SLC15A5: variants seen among roughly 807,000 people sequenced by gnomAD.
SLC15A5 encodes solute carrier family 15 member 5.
In SLC15A5, 58 loss-of-function variants were observed where a neutral mutation model predicts 56.1. That is an observed-to-expected ratio of 1.03 (90% confidence interval 0.84 to 1.29). The LOEUF is 1.29. Among genes scored for constraint, SLC15A5 ranks in the 50% most tolerant of loss-of-function variants. The pLI, the probability that SLC15A5 is intolerant of heterozygous loss-of-function variation, is 0.00. For missense variants in SLC15A5, 681 were observed against 672.1 expected, an observed-to-expected ratio of 1.01 and a Z score of -0.15; for synonymous variants, 264 against 250.5, an observed-to-expected ratio of 1.05 and a Z score of -0.51.
chr12:16,257,334 A>G (rs1385129722), intron 3 of SLC15A5, among the ~76,000 whole-genome samples: 1 of 152,158 alleles, frequency 6.6e-6, no homozygotes, highest in Non-Finnish European at 1.5e-5. Flanking sequence ...TGAGTTGATA[A>G]TTGCTGAAGC....
At chr12:16,249,549 A>C (rs1018309739) in intron 3 of SLC15A5, among the ~76,000 whole-genome samples, 3 of 152,056 alleles carry the variant, frequency 2.0e-5, no homozygotes, top group Admixed American at 6.6e-5. Context: ...GTAGCTAATA[A>C]AGTTTTTTCT....
chr12:16,272,931 T>C (rs1864775754), intron 1 of SLC15A5, 148 bp from the exon 2 acceptor site: 1 of 725,642 alleles, frequency 1.4e-6, no homozygotes, highest in Non-Finnish European at 2.2e-6. Flanking sequence ...ATTTCAGGGA[T>C]AGCCTGATGT....
intron 7 of SLC15A5, among the ~76,000 whole-genome samples, chr12:16,198,162 A>C (rs780759904): frequency 6.6e-6 from 1 of 152,164 alleles, no homozygotes; most frequent in Admixed American, 6.6e-5. Context: ...GTAGTAAAGG[A>C]CTCAAAATAT....
chr12:16,206,948 C>A (rs1214818714), intron 7 of SLC15A5, among the ~76,000 whole-genome samples: 1 of 152,096 alleles, frequency 6.6e-6, no homozygotes. Context: ...AGTAAAAACC[C>A]ATCAAGATAG....
chr12:16,232,400 A>G (rs1405485080), intron 5 of SLC15A5, among the ~76,000 whole-genome samples: 4 of 152,200 alleles, frequency 2.6e-5, no homozygotes, highest in Non-Finnish European at 5.9e-5. Flanking sequence ...CATCTGATCA[A>G]TAGGAGTTCA....
At chr12:16,228,513 A>G (rs540117671) in intron 5 of SLC15A5, among the ~76,000 whole-genome samples, 17 of 152,290 alleles carry the variant, frequency 1.1e-4, no homozygotes, top group African/African-American at 4.1e-4. Context: ...CTCCAAATAC[A>G]TCATTAAGTC....
intron 8 of SLC15A5, among the ~76,000 whole-genome samples, chr12:16,193,771 A>ATG (rs1311242767): frequency 3.5e-4 from 49 of 139,946 alleles, no homozygotes; most frequent in African/African-American, 1.2e-3. Flanking sequence ...GTCCAAGAAT[A>ATG]TGTCAAGGGG....
At chr12:16,242,554 C>G (rs535803135) in intron 4 of SLC15A5, among the ~76,000 whole-genome samples, 1 of 152,150 alleles carries the variant, frequency 6.6e-6, no homozygotes, top group Non-Finnish European at 1.5e-5. Flanking sequence ...GATTAAATTA[C>G]GTACTGTGAA....
At chr12:16,258,969 T>C (rs1182627927) in intron 2 of SLC15A5, among the ~76,000 whole-genome samples, 2 of 151,092 alleles carry the variant, frequency 1.3e-5, no homozygotes, top group Non-Finnish European at 2.9e-5. Context: ...TCCTGGGGCA[T>C]GTCTGCCACA....
Position 16,205,598 on chromosome 12 carries a change from C to CAT in SLC15A5, c.1484-11146_1484-11145insAT, listed in dbSNP as rs1398992733. 5.4e-3 allele frequency among the ~76,000 whole-genome samples: 310 copies of CAT among 57,680 alleles called. 12 individuals carry two copies. Among genetic ancestry groups the CAT allele is most frequent in the African/African-American group, 0.018 (277 of 15,178 alleles). 37.8% of individuals were successfully genotyped at this position (57,680 alleles called of 152,430 possible). A position where few individuals can be genotyped will look rare whatever the true frequency, so the allele number is the denominator to read the frequency against. The stretch of plus-strand genomic sequence containing the variant: ...AAAGGTGCATATATATATACATATA[C>CAT]ACACACACACACATATATATACACA... On this transcript the variant is annotated intron_variant, in intron 7 of 8. Coordinates refer to ENST00000344941, the MANE Select transcript of SLC15A5 (RefSeq NM_001170798.1).
chr12:16,264,449 T>C (rs1864673157), intron 2 of SLC15A5, among the ~76,000 whole-genome samples: 1 of 152,236 alleles, frequency 6.6e-6, no homozygotes, highest in African/African-American at 2.4e-5. Context: ...GGGACTTGCT[T>C]TGTCTCAGAT....
At chr12:16,211,987 G>C (rs1864085780) in intron 7 of SLC15A5, among the ~76,000 whole-genome samples, 1 of 152,090 alleles carries the variant, frequency 6.6e-6, no homozygotes, top group African/African-American at 2.4e-5. Flanking sequence ...TTTTCCAATC[G>C]GGTATACTAA....
intron 3 of SLC15A5, among the ~76,000 whole-genome samples, chr12:16,252,356 A>G (rs978602716): frequency 1.3e-5 from 2 of 152,050 alleles, no homozygotes; most frequent in South Asian, 4.1e-4. Context: ...ATCAGAATAG[A>G]AGAAGGAAAA....
chr12:16,254,758 C>G (rs967263322), intron 3 of SLC15A5, among the ~76,000 whole-genome samples: 2 of 152,052 alleles, frequency 1.3e-5, no homozygotes, highest in Non-Finnish European at 2.9e-5. Context: ...GAAAGTTAAA[C>G]ATTGCATGTT....
At chr12:16,234,514 T>A (rs1339896310) in intron 5 of SLC15A5, among the ~76,000 whole-genome samples, 3 of 152,178 alleles carry the variant, frequency 2.0e-5, no homozygotes, top group Admixed American at 1.3e-4. Context: ...TTAACTTGTA[T>A]GAGATAATAA....
chr12:16,272,113 G>A (rs958105106), intron 2 of SLC15A5, among the ~76,000 whole-genome samples: 2 of 152,260 alleles, frequency 1.3e-5, no homozygotes, highest in South Asian at 4.1e-4. Flanking sequence ...TATGTGCCAA[G>A]TTCTTTGCCA....
intron 3 of SLC15A5, among the ~76,000 whole-genome samples, chr12:16,253,786 A>G (rs1188876333): frequency 1.3e-5 from 2 of 152,134 alleles, no homozygotes; most frequent in Non-Finnish European, 2.9e-5. Context: ...TACTGCGTTG[A>G]CGAGGATGTG....
intron 4 of SLC15A5, among the ~76,000 whole-genome samples, 151 bp from the exon 5 acceptor site, chr12:16,240,018 A>G (rs942286442): frequency 6.6e-6 from 1 of 152,220 alleles, no homozygotes; most frequent in African/African-American, 2.4e-5. Context: ...ATGAGCTGAT[A>G]AAGGGTCTTC....
intron 5 of SLC15A5, among the ~76,000 whole-genome samples, chr12:16,224,980 T>A (rs7957240): frequency 0.52 from 78,820 of 150,898 alleles, 20,978 homozygotes; most frequent in South Asian, 0.73. Flanking sequence ...ATGCGGTGTT[T>A]GGTTTTTTGT....
Sources: gnomAD v4.1 joint callset for allele counts (sites outside exome capture counted in the v4.1 genomes callset) on GRCh38, gnomAD v4.1.1 for gene constraint, MANE v1.5 for transcripts, NCBI Gene and HGNC (gene_info 2026-07-23, HGNC 2026-07-21) for gene names.